Variants in RALYL observed in about 807,000 individuals in gnomAD.
The protein encoded by RALYL is RNA-binding Raly-like protein.
RALYL carries 29 observed loss-of-function variants against 35.1 expected under a neutral mutation model. That is an observed-to-expected ratio of 0.83 (90% confidence interval 0.61 to 1.13). The LOEUF is 1.13. Ranked by LOEUF, RALYL falls within the 50% of genes most tolerant of loss-of-function variation. RALYL has a pLI of 0.00. For synonymous variants in RALYL, 120 were observed against 127.6 expected, an observed-to-expected ratio of 0.94 and a Z score of 0.40; for missense variants, 359 against 360.4, an observed-to-expected ratio of 1.00 and a Z score of 0.03.
chr8:84,812,053 T>A (rs1826022688), intron 4 of RALYL, among the ~76,000 whole-genome samples: 1 of 152,026 alleles, frequency 6.6e-6, no homozygotes, highest in Admixed American at 6.6e-5. Flanking sequence ...CTAGTGTGAT[T>A]TTTGGGGGTG....
intron 1 of RALYL, among the ~76,000 whole-genome samples, chr8:84,299,063 T>C (rs1304566674): frequency 6.6e-6 from 1 of 152,086 alleles, no homozygotes; most frequent in Non-Finnish European, 1.5e-5. Flanking sequence ...CTTGCATGAT[T>C]GTTCTGGCTA....
At chr8:84,517,412 C>T (rs561273899) in intron 1 of RALYL, among the ~76,000 whole-genome samples, 10 of 152,232 alleles carry the variant, frequency 6.6e-5, no homozygotes, top group African/African-American at 2.4e-4. Flanking sequence ...AAATATCAAC[C>T]AAGGCTGTTA....
intron 2 of RALYL, among the ~76,000 whole-genome samples, chr8:84,682,441 T>G (rs1415062281): frequency 6.6e-6 from 1 of 152,236 alleles, no homozygotes; most frequent in East Asian, 1.9e-4. Flanking sequence ...TTACCTCTGG[T>G]AGAATTCGGC....
chr8:84,364,004 G>A (rs1400524219), intron 1 of RALYL, among the ~76,000 whole-genome samples: 1 of 152,128 alleles, frequency 6.6e-6, no homozygotes, highest in Non-Finnish European at 1.5e-5. Context: ...AGACAGGCAT[G>A]CCTACCTATT....
At chr8:84,779,250 G>A (rs532070488) in intron 3 of RALYL, among the ~76,000 whole-genome samples, 6 of 152,308 alleles carry the variant, frequency 3.9e-5, no homozygotes, top group Non-Finnish European at 7.4e-5. Flanking sequence ...TTCAATTAAT[G>A]CTCAATAATT....
chr8:84,741,769 G>A (rs745413547), intron 2 of RALYL, among the ~76,000 whole-genome samples: 3 of 151,900 alleles, frequency 2.0e-5, no homozygotes, highest in Admixed American at 2.0e-4. Flanking sequence ...AAAAGAATTT[G>A]CTCCAGAGTG....
intron 2 of RALYL, among the ~76,000 whole-genome samples, chr8:84,698,233 A>G (rs899592523): frequency 2.6e-5 from 4 of 152,132 alleles, no homozygotes; most frequent in African/African-American, 9.6e-5. Flanking sequence ...TTAAAGCAAC[A>G]TAAACAAAAT....
At chr8:84,404,800 C>G (rs1320396753) in intron 1 of RALYL, among the ~76,000 whole-genome samples, 5 of 152,052 alleles carry the variant, frequency 3.3e-5, no homozygotes, top group African/African-American at 1.2e-4. Context: ...CTGTCTGGTC[C>G]AGAAGTTTTT....
chr8:84,503,019 G>C (rs1454667184), intron 1 of RALYL, among the ~76,000 whole-genome samples: 1 of 151,942 alleles, frequency 6.6e-6, no homozygotes, highest in Non-Finnish European at 1.5e-5. Flanking sequence ...ATCAGTTTTA[G>C]TAATGGAATA....
chr8:84,847,764 A>G (rs970364173), intron 4 of RALYL, among the ~76,000 whole-genome samples: 4 of 152,194 alleles, frequency 2.6e-5, no homozygotes, highest in Admixed American at 6.5e-5. Flanking sequence ...TGGATACAGC[A>G]TTGCTCTAGC....
At chr8:84,232,684 A>G (rs576171596) in intron 1 of RALYL, among the ~76,000 whole-genome samples, 2 of 152,174 alleles carry the variant, frequency 1.3e-5, no homozygotes, top group Non-Finnish European at 2.9e-5. Context: ...AAATATACTT[A>G]AAAACAAAAC....
At chr8:84,689,626 A>G (rs947292575) in intron 2 of RALYL, among the ~76,000 whole-genome samples, 1 of 152,070 alleles carries the variant, frequency 6.6e-6, no homozygotes, top group African/African-American at 2.4e-5. Flanking sequence ...TGGTATTTCT[A>G]GTTCTAGATC....
At chr8:84,401,637 C>CAAAAAAA (rs71271985) in intron 1 of RALYL, among the ~76,000 whole-genome samples, 6 of 17,428 alleles carry the variant, frequency 3.4e-4, no homozygotes, top group African/African-American at 4.6e-4. Flanking sequence ...GACTCTGTCT[C>CAAAAAAA]AAAAAAAAAA....
intron 1 of RALYL, among the ~76,000 whole-genome samples, chr8:84,207,945 C>G (rs1364881472): frequency 6.6e-6 from 1 of 151,902 alleles, no homozygotes; most frequent in African/African-American, 2.4e-5. Flanking sequence ...AAAGTTTCAT[C>G]AAAGTAGAAA....
chr8:84,468,075 G>C (rs1321862694), intron 1 of RALYL, among the ~76,000 whole-genome samples: 3 of 150,980 alleles, frequency 2.0e-5, no homozygotes, highest in Non-Finnish European at 4.4e-5. Context: ...ACAGCACACT[G>C]ATAGGTCTTG....
chr8:84,595,980 C>T (rs1188912267), intron 2 of RALYL, among the ~76,000 whole-genome samples: 2 of 151,916 alleles, frequency 1.3e-5, no homozygotes, highest in Non-Finnish European at 2.9e-5. Flanking sequence ...TTTCTGAGCA[C>T]CAAATTTCAG....
chr8:84,538,578 A>C (rs1361632194), intron 2 of RALYL, among the ~76,000 whole-genome samples: 1 of 152,206 alleles, frequency 6.6e-6, no homozygotes, highest in East Asian at 1.9e-4. Context: ...CACCAAAATG[A>C]AATAACATAA....
intron 2 of RALYL, among the ~76,000 whole-genome samples, chr8:84,586,657 C>T (rs1471249718): frequency 1.3e-5 from 2 of 152,102 alleles, no homozygotes; most frequent in Admixed American, 6.5e-5. Flanking sequence ...TGAGCTAGTA[C>T]AGTTGAGTTT....
intron 5 of RALYL, 129 bp downstream of exon 5, chr8:84,850,156 T>C (rs954013032): frequency 2.1e-4 from 95 of 462,620 alleles, no homozygotes; most frequent in South Asian, 1.4e-3. Context: ...AATAAAATAC[T>C]AAATCCCAAC....
Sources: gnomAD v4.1 joint callset for allele counts (sites outside exome capture counted in the v4.1 genomes callset) on GRCh38, gnomAD v4.1.1 for gene constraint, MANE v1.5 for transcripts, NCBI Gene and HGNC (gene_info 2026-07-23, HGNC 2026-07-21) for gene names.